ZFP62: variants seen among roughly 807,000 people sequenced by gnomAD.
The protein encoded by ZFP62 is zinc finger protein 62 homolog.
Under a neutral mutation model 56.4 loss-of-function variants are expected in ZFP62, and 44 were observed. That is an observed-to-expected ratio of 0.78 (90% CI 0.61 to 1.00). The LOEUF (loss-of-function observed/expected upper bound fraction) is 1.00. Among genes scored for constraint, ZFP62 ranks in the 50% least tolerant of loss-of-function variants. The pLI is 0.00. For synonymous variants in ZFP62, 421 were observed against 388.9 expected, an observed-to-expected ratio of 1.08 and a Z score of -0.97; for missense variants, 1,030 against 1,085.7, an observed-to-expected ratio of 0.95 and a Z score of 0.72.
rs561475386 is a variant in ZFP62, at chr5:180,852,144, G to A, written c.2-651C>T. On this transcript the variant is annotated intron_variant, in intron 1 of 1. Transcript: ENST00000502412. ...TAGACAGGCAAATGGAATAGAACAGGAAGTCCAGACATTGTCCCAGGTAGA... is the reference window on the plus strand; with the variant it reads ...TAGACAGGCAAATGGAATAGAACAGAAAGTCCAGACATTGTCCCAGGTAGA... The A allele has an allele frequency of 7.3e-5, 31 of 427,108 alleles. 1 individual carries two copies. In the South Asian group the frequency reaches 1.7e-3, roughly 23 times the overall value. The allele number at this position is 427,108 out of a possible 1,614,324, so 26.5% of individuals were successfully genotyped here.
chr5:180,858,313 A>T (rs1372983574), intron 1 of ZFP62, among the ~76,000 whole-genome samples: 2 of 151,558 alleles, frequency 1.3e-5, no homozygotes, highest in Non-Finnish European at 2.9e-5. Context: ...AAAATATTTT[A>T]AAAAGATCAG....
At chr5:180,841,252 T>C in the ZFP62 span, among the ~76,000 whole-genome samples, 50 of 57,122 alleles carry the variant, frequency 8.8e-4, no homozygotes, top group Admixed American at 2.9e-3. Context: ...CATATATATA[T>C]ACACACACAC....
intron 1 of ZFP62, among the ~76,000 whole-genome samples, chr5:180,857,524 A>C (rs910232066): frequency 2.0e-5 from 3 of 152,056 alleles, no homozygotes; most frequent in Non-Finnish European, 4.4e-5. Context: ...TTTGAGACTG[A>C]GTCTTGCTCT....
chr5:180,835,910 A>G, the ZFP62 span, among the ~76,000 whole-genome samples: 1 of 152,274 alleles, frequency 6.6e-6, no homozygotes, highest in South Asian at 2.1e-4. Flanking sequence ...AAGGAGTCAC[A>G]TACCACATGA....
rs931849989 is a variant in ZFP62, at chr5:180,849,999, T to A, written c.1496A>T (p.His499Leu). Reference protein sequence around the residue: ...RSSLKNHKGIHLGEKPYKCSY... With the variant: ...RSSLKNHKGILLGEKPYKCSY... ...ACATTTATAGGGCTTCTCCCCAAGG[T>A]GGATTCCTTTGTGATTTTTAAGGCT... Residue 499 changes from histidine to leucine, a missense_variant, in exon 2 of 2, where the codon CAC (histidine) becomes CTC (leucine). Transcript: ENST00000502412. 1 of 1,551,564 alleles carries A rather than the reference T, an allele frequency of 6.4e-7. No individual in the cohort carries two copies. The highest frequency in any genetic ancestry group is 1.4e-5 in the African/African-American group (1 of 73,026).
Position 180,856,118 on chromosome 5 carries a change from AC to A in ZFP62, c.2-4626del, listed in dbSNP as rs1205883856. Among the ~76,000 whole-genome samples the A allele has an allele frequency of 3.3e-5, 5 of 152,214 alleles. No individual in the cohort carries two copies. The East Asian group carries it at 9.6e-4, about 29-fold the overall frequency. Reference sequence around the variant, plus strand: ...TGACTGGCCTGGTCTGCCTAAAATCACAGACACTTTGCCACTTACCTCTCTA... The same window carrying A: ...TGACTGGCCTGGTCTGCCTAAAATCAAGACACTTTGCCACTTACCTCTCTA... On this transcript the variant is annotated intron_variant, in intron 1 of 1. Coordinates refer to ENST00000502412, the MANE Select transcript of ZFP62 (RefSeq NM_001172638.2).
At chr5:180,838,146 C>A in the ZFP62 span, among the ~76,000 whole-genome samples, 3 of 152,250 alleles carry the variant, frequency 2.0e-5, no homozygotes, top group East Asian at 3.9e-4. Flanking sequence ...TTACACAAAA[C>A]CAAACAAGAT....
At chr5:180,856,719 C>T (rs1773996158) in intron 1 of ZFP62, among the ~76,000 whole-genome samples, 1 of 151,930 alleles carries the variant, frequency 6.6e-6, no homozygotes, top group African/African-American at 2.4e-5. Flanking sequence ...CTTTGGGAGG[C>T]TGAGGCGGGC....
Position 180,849,237 on chromosome 5 carries a change from C to T in ZFP62, c.2258G>A (p.Gly753Glu). 3 of 1,558,300 alleles carry T rather than the reference C, an allele frequency of 1.9e-6. No individual in the cohort carries two copies. Among genetic ancestry groups the T allele is most frequent in the Non-Finnish European group, 2.6e-6 (3 of 1,150,968 alleles). Residue 753 changes from glycine to glutamate, a missense_variant, in exon 2 of 2, where the codon GGG becomes GAG. Transcript: ENST00000502412. Reference sequence around the variant, plus strand: ...CCTATCACACACATAGGGTTTCTCCCCTGTGTGGATCCTCTTGTGCTGAGA... The same window carrying T: ...CCTATCACACACATAGGGTTTCTCCTCTGTGTGGATCCTCTTGTGCTGAGA... ...LLSQHKRIHT[G>E]EKPYVCDRCG...
the ZFP62 span, among the ~76,000 whole-genome samples, chr5:180,840,252 T>C: frequency 1.2e-4 from 18 of 152,198 alleles, no homozygotes; most frequent in African/African-American, 4.1e-4. Context: ...GGCAGATCCC[T>C]GGCTTCTCCT....
chr5:180,839,367 T>C, the ZFP62 span, among the ~76,000 whole-genome samples: 1 of 152,190 alleles, frequency 6.6e-6, no homozygotes, highest in Non-Finnish European at 1.5e-5. Context: ...TTACTTAGTT[T>C]CTTTCATAAC....
chr5:180,856,504 A>T (rs1773979708), intron 1 of ZFP62, among the ~76,000 whole-genome samples: 1 of 152,218 alleles, frequency 6.6e-6, no homozygotes, highest in Non-Finnish European at 1.5e-5. Context: ...TCTGAGGCTA[A>T]GTGTTGCCCA....
At chr5:180,853,437 G>T (rs1773819038) in intron 1 of ZFP62, among the ~76,000 whole-genome samples, 1 of 152,220 alleles carries the variant, frequency 6.6e-6, no homozygotes, top group Non-Finnish European at 1.5e-5. Flanking sequence ...GGAGGAGTGT[G>T]GAGAATGGAG....
At chr5:180,859,568 C>T (rs575928051) in intron 1 of ZFP62, among the ~76,000 whole-genome samples, 1 of 152,236 alleles carries the variant, frequency 6.6e-6, no homozygotes, top group South Asian at 2.1e-4. Context: ...TGAAATAGAA[C>T]ATTCTCATGC....
Position 180,849,445 on chromosome 5 carries a change from AG to A in ZFP62, c.2049del (p.Ser684HisfsTer34). ...YECDVCGKAY[I>X]SHSSLINHKS... ...TTATGGTTAATAAGGCTTGAGTGTG[AG>A]ATGTAGGCTTTTCCACACACATCAC... On this transcript the variant is annotated frameshift_variant, in exon 2 of 2. Transcript: ENST00000502412. LOFTEE classifies it high-confidence loss of function. The A allele has an allele frequency of 6.4e-7, 1 of 1,551,914 alleles. No individual in the cohort carries two copies. The highest frequency in any genetic ancestry group is 8.7e-7 in the Non-Finnish European group (1 of 1,147,078).
chr5:180,845,990 C>T, downstream of ZFP62: 1 of 429,870 alleles, frequency 2.3e-6, no homozygotes, highest in Non-Finnish European at 3.1e-6. Flanking sequence ...CTTTTCTTTT[C>T]TCTTTCTCCT....
chr5:180,833,908 A>T, the ZFP62 span, among the ~76,000 whole-genome samples: 11 of 152,044 alleles, frequency 7.2e-5, no homozygotes, highest in Admixed American at 7.2e-4. Context: ...TGACCTCATG[A>T]TCCGCCCGCC....
intron 1 of ZFP62, among the ~76,000 whole-genome samples, chr5:180,860,852 AT>A (rs1774272470): frequency 6.6e-6 from 1 of 152,050 alleles, no homozygotes; most frequent in Non-Finnish European, 1.5e-5. Context: ...TGAAGCGCTA[AT>A]TTTTAGGGAT....
chr5:180,854,181 A>C (rs995806691), intron 1 of ZFP62, among the ~76,000 whole-genome samples: 4 of 152,204 alleles, frequency 2.6e-5, no homozygotes, highest in Admixed American at 6.5e-5. Flanking sequence ...GCAGGCTGAA[A>C]GCAGGAAACA....
Sources: gnomAD v4.1 joint callset for allele counts (sites outside exome capture counted in the v4.1 genomes callset) on GRCh38, gnomAD v4.1.1 for gene constraint, MANE v1.5 for transcripts, NCBI Gene and HGNC (gene_info 2026-07-23, HGNC 2026-07-21) for gene names.